Variants in ANKS1B observed in about 807,000 individuals in gnomAD.
ANKS1B encodes ankyrin repeat and sterile alpha motif domain-containing protein 1B.
ANKS1B carries 36 observed loss-of-function variants against 148.3 expected under a neutral mutation model. That is an observed-to-expected ratio of 0.24 (90% CI 0.19 to 0.32). The LOEUF (loss-of-function observed/expected upper bound fraction) is 0.32, where lower values mean the gene tolerates loss of function less well. ANKS1B is among the 10% of genes least tolerant of loss of function. The probability of loss-of-function intolerance (pLI) is 1.00; values close to 1 mark genes in which losing one functional copy is unlikely to be tolerated. For missense variants in ANKS1B, 1,157 were observed against 1,542.6 expected (o/e 0.75, Z 4.19); for synonymous variants, 542 against 560.8 (o/e 0.97, Z 0.47).
At chr12:99,566,544 T>C (rs972303596) in intron 9 of ANKS1B, among the ~76,000 whole-genome samples, 6 of 152,172 alleles carry the variant, frequency 3.9e-5, no homozygotes, top group South Asian at 2.1e-4. Flanking sequence ...GTTAGAAACT[T>C]AATCCTTAAA....
At chr12:99,727,050 G>A (rs529342276) in intron 8 of ANKS1B, among the ~76,000 whole-genome samples, 26 of 152,186 alleles carry the variant, frequency 1.7e-4, no homozygotes, top group African/African-American at 5.8e-4. Context: ...ATGGGCAAAA[G>A]CTGGAAGCAT....
chr12:99,943,689 C>A (rs1020369556), intron 1 of ANKS1B, among the ~76,000 whole-genome samples: 27 of 151,956 alleles, frequency 1.8e-4, no homozygotes, highest in African/African-American at 6.3e-4. Flanking sequence ...TCAATTACCC[C>A]CCACCAGGTC....
At chr12:99,052,753 A>AAAAAAG (rs1213255093) in intron 17 of ANKS1B, among the ~76,000 whole-genome samples, 1 of 144,934 alleles carries the variant, frequency 6.9e-6, no homozygotes. Context: ...AAAAAAAAAA[A>AAAAAAG]AAAAAGAAAT....
intron 17 of ANKS1B, among the ~76,000 whole-genome samples, chr12:99,002,495 T>TC (rs898636523): frequency 6.6e-6 from 1 of 152,012 alleles, no homozygotes; most frequent in African/African-American, 2.4e-5. Context: ...TCTCTCTTTT[T>TC]TTTTTTGTGA....
At chr12:99,815,242 T>C (rs2153670605) in intron 2 of ANKS1B, among the ~76,000 whole-genome samples, 1 of 151,906 alleles carries the variant, frequency 6.6e-6, no homozygotes, top group South Asian at 2.1e-4. Flanking sequence ...ATTCTTCATT[T>C]ATCAGGAAGA....
chr12:99,568,706 ACAT>A (rs1278468688), intron 9 of ANKS1B, among the ~76,000 whole-genome samples: 2 of 152,234 alleles, frequency 1.3e-5, no homozygotes, highest in Non-Finnish European at 2.9e-5. Context: ...TTGTTAAGTA[ACAT>A]CATGTTCTTA....
At chr12:99,338,204 A>G (rs980522125) in intron 12 of ANKS1B, among the ~76,000 whole-genome samples, 3 of 152,108 alleles carry the variant, frequency 2.0e-5, no homozygotes, top group African/African-American at 7.2e-5. Flanking sequence ...TCCGCTTGGT[A>G]CTATTCTACT....
intron 8 of ANKS1B, among the ~76,000 whole-genome samples, chr12:99,673,467 G>T (rs2098547774): frequency 6.6e-6 from 1 of 151,764 alleles, no homozygotes; most frequent in Admixed American, 6.6e-5. Context: ...ATGCCAAGAA[G>T]AAAAAATATT....
chr12:99,849,376 T>C (rs556326242), intron 1 of ANKS1B, among the ~76,000 whole-genome samples: 1 of 152,186 alleles, frequency 6.6e-6, no homozygotes, highest in East Asian at 1.9e-4. Flanking sequence ...TCCACCAGAA[T>C]GACTGAAATC....
intron 9 of ANKS1B, among the ~76,000 whole-genome samples, chr12:99,581,616 C>T (rs1009988002): frequency 2.0e-5 from 3 of 152,020 alleles, no homozygotes; most frequent in African/African-American, 7.2e-5. Flanking sequence ...GTCGGCCGGG[C>T]GCGGTGGCTC....
intron 15 of ANKS1B, among the ~76,000 whole-genome samples, chr12:99,106,953 T>G (rs1468864286): frequency 6.6e-6 from 1 of 152,128 alleles, no homozygotes; most frequent in African/African-American, 2.4e-5. Flanking sequence ...ATCTTGAGAA[T>G]AATGGTTGGA....
intron 14 of ANKS1B, among the ~76,000 whole-genome samples, chr12:99,221,153 C>G (rs1337575048): frequency 6.6e-6 from 1 of 152,018 alleles, no homozygotes; most frequent in African/African-American, 2.4e-5. Context: ...TCCTGGCTAA[C>G]ATGGTAAAAC....
At chr12:98,944,156 T>TGG (rs957414809) in intron 17 of ANKS1B, among the ~76,000 whole-genome samples, 3 of 151,866 alleles carry the variant, frequency 2.0e-5, no homozygotes, top group Non-Finnish European at 2.9e-5. Flanking sequence ...AAAAACTAGC[T>TGG]GGGTGTGGGG....
intron 1 of ANKS1B, among the ~76,000 whole-genome samples, chr12:99,983,257 C>T (rs546659738): frequency 6.6e-6 from 1 of 152,278 alleles, no homozygotes; most frequent in African/African-American, 2.4e-5. Flanking sequence ...CAGTTGATTT[C>T]ATTTGTCCAT....
chr12:99,822,125 AG>A (rs2082587118), intron 2 of ANKS1B, among the ~76,000 whole-genome samples: 1 of 152,128 alleles, frequency 6.6e-6, no homozygotes, highest in South Asian at 2.1e-4. Context: ...ACATTTTAAG[AG>A]AAAAATGTCA....
At chr12:99,324,413 T>C (rs549921316) in intron 12 of ANKS1B, among the ~76,000 whole-genome samples, 4 of 152,118 alleles carry the variant, frequency 2.6e-5, no homozygotes, top group African/African-American at 7.2e-5. Flanking sequence ...TTGGGAACAA[T>C]GAACTAGAAG....
At chr12:98,990,564 GAGA>G (rs201755341) in intron 17 of ANKS1B, among the ~76,000 whole-genome samples, 11 of 136,024 alleles carry the variant, frequency 8.1e-5, no homozygotes, top group African/African-American at 2.5e-4. Context: ...GAGAGAGAGA[GAGA>G]AAAAAAAAAA....
intron 1 of ANKS1B, among the ~76,000 whole-genome samples, chr12:99,866,053 G>A (rs1365736702): frequency 3.3e-5 from 5 of 152,020 alleles, no homozygotes; most frequent in East Asian, 1.9e-4. Context: ...CAGAAATAGC[G>A]CTCCAACAAA....
At chr12:98,739,983 G>C, downstream of ANKS1B, among the ~76,000 whole-genome samples, 1 of 152,066 alleles carries the variant, frequency 6.6e-6, no homozygotes, top group South Asian at 2.1e-4. Context: ...TTACTTAGCA[G>C]GAAAGCTGTC....
Sources: allele counts gnomAD v4.1 joint callset (sites outside exome capture counted in the v4.1 genomes callset), GRCh38; gene constraint gnomAD v4.1.1; transcripts MANE v1.5; gene names NCBI Gene and HGNC (gene_info 2026-07-23, HGNC 2026-07-21).